PTPN21: variants seen among roughly 807,000 people sequenced by gnomAD.
The protein encoded by PTPN21 is protein tyrosine phosphatase non-receptor type 21.
In PTPN21, 77 loss-of-function variants were observed where a neutral mutation model predicts 131.8. The observed-to-expected ratio is 0.58, with a 90% CI of 0.49 to 0.71. PTPN21 has a LOEUF of 0.71. Ranked by LOEUF, PTPN21 falls within the 30% of genes least tolerant of loss-of-function variation. The pLI is 0.00. For synonymous variants in PTPN21, 715 were observed against 621.3 expected, an observed-to-expected ratio of 1.15 and a Z score of -2.24; for missense variants, 1,552 against 1,527.1, an observed-to-expected ratio of 1.02 and a Z score of -0.27.
intron 15 of PTPN21, among the ~76,000 whole-genome samples, chr14:88,471,111 A>C (rs983300327): frequency 3.3e-5 from 5 of 152,192 alleles, no homozygotes. Flanking sequence ...ATATTTAAAA[A>C]CAAAATAGTA....
intron 8 of PTPN21, among the ~76,000 whole-genome samples, chr14:88,498,607 AG>A (rs2077961229): frequency 1.3e-5 from 2 of 152,186 alleles, no homozygotes; most frequent in South Asian, 2.1e-4. Flanking sequence ...GCACAGTTGG[AG>A]GGGAAAGGTG....
intron 1 of PTPN21, among the ~76,000 whole-genome samples, chr14:88,553,491 C>T (rs2078891282): frequency 6.6e-6 from 1 of 151,866 alleles, no homozygotes; most frequent in Non-Finnish European, 1.5e-5. Context: ...TTTAAGAGTT[C>T]TTTGGGGAGG....
At chr14:88,498,818 T>G (rs1321643414) in intron 8 of PTPN21, among the ~76,000 whole-genome samples, 1 of 152,198 alleles carries the variant, frequency 6.6e-6, no homozygotes, top group Non-Finnish European at 1.5e-5. Flanking sequence ...GTATTAGCTT[T>G]TATATGTTAA....
At chr14:88,514,382 G>A (rs2078230312) in intron 3 of PTPN21, among the ~76,000 whole-genome samples, 1 of 151,286 alleles carries the variant, frequency 6.6e-6, no homozygotes, top group African/African-American at 2.4e-5. Flanking sequence ...GTTTTCTGCT[G>A]CTTTATGGTC....
chr14:88,471,999 GGA>G (rs2077478250), intron 15 of PTPN21, among the ~76,000 whole-genome samples: 1 of 152,102 alleles, frequency 6.6e-6, no homozygotes, highest in South Asian at 2.1e-4. Flanking sequence ...TTTCGCACAT[GGA>G]GAGTAGACAT....
At position 88,501,117 on chromosome 14, in the gene PTPN21, G is replaced by T. The variant is rs952064273; in HGVS notation, c.675+164C>A. ...AAAGTATGAACCACAAAATGGGAATGTGTTTTACCACAAAACTTTGGTCAC... is the reference window on the plus strand; with the variant it reads ...AAAGTATGAACCACAAAATGGGAATTTGTTTTACCACAAAACTTTGGTCAC... On this transcript the variant is annotated intron_variant, in intron 7 of 18. Coordinates refer to ENST00000556564, the MANE Select transcript of PTPN21 (RefSeq NM_007039.4). 14 of 715,284 alleles carry T rather than the reference G, an allele frequency of 2.0e-5. No individual in the cohort carries two copies. In the South Asian group the frequency reaches 2.5e-4, roughly 13 times the overall value. 44.3% of individuals were successfully genotyped at this position (715,284 alleles called of 1,614,324 possible).
In PTPN21 at chr14:88,497,190, A is replaced by G. The variant is rs769287559; in HGVS notation, c.852+13T>C. The G allele has an allele frequency of 6.3e-7, 1 of 1,575,110 alleles. No individual in the cohort carries two copies. Among genetic ancestry groups the G allele is most frequent in the South Asian group, 1.1e-5 (1 of 90,184 alleles). ...GGAAAAACATTCCATGCAGACCCCT[A>G]ATGTTTACTCACAGTTTGAAATTGA... On this transcript the variant is annotated intron_variant, in intron 9 of 18. Coordinates refer to ENST00000556564, the MANE Select transcript of PTPN21 (RefSeq NM_007039.4).
intron 2 of PTPN21, among the ~76,000 whole-genome samples, chr14:88,526,836 CCATTA>C (rs2139332542): frequency 6.6e-6 from 1 of 152,212 alleles, no homozygotes; most frequent in African/African-American, 2.4e-5. Flanking sequence ...ACCCCAAAGT[CCATTA>C]CATCATTCTC....
intron 3 of PTPN21, among the ~76,000 whole-genome samples, chr14:88,511,126 G>A (rs1311307590): frequency 1.3e-5 from 2 of 151,670 alleles, no homozygotes; most frequent in East Asian, 1.9e-4. Context: ...ATGTTGCCTG[G>A]GCTGGTCTCA....
rs2078905378 is a variant in PTPN21, at chr14:88,554,948, A to G, written c.-500T>C. On this transcript the variant is annotated 5_prime_UTR_variant, in exon 1 of 19. Transcript: ENST00000556564. ...GGCGGGGGGTGGCAGGAGGACGGACAGACCGTCGGACCGACGCGGGACGCG... is the reference window on the plus strand; with the variant it reads ...GGCGGGGGGTGGCAGGAGGACGGACGGACCGTCGGACCGACGCGGGACGCG... Among the ~76,000 whole-genome samples, 1 of 151,564 alleles carries G rather than the reference A, an allele frequency of 6.6e-6. No homozygotes were observed. The highest frequency in any genetic ancestry group is 2.4e-5 in the African/African-American group (1 of 41,368).
At chr14:88,509,231 T>C (rs537140934) in intron 3 of PTPN21, among the ~76,000 whole-genome samples, 1 of 152,298 alleles carries the variant, frequency 6.6e-6, no homozygotes, top group South Asian at 2.1e-4. Context: ...ATGTTAAGCA[T>C]TATTCTAGAT....
chr14:88,534,587 T>A (rs563077079), intron 2 of PTPN21, among the ~76,000 whole-genome samples: 5 of 152,194 alleles, frequency 3.3e-5, no homozygotes, highest in African/African-American at 1.2e-4. Flanking sequence ...TAATTTATTA[T>A]CGAAGGCCAG....
At chr14:88,534,536 T>C (rs1309500016) in intron 2 of PTPN21, among the ~76,000 whole-genome samples, 1 of 152,174 alleles carries the variant, frequency 6.6e-6, no homozygotes, top group African/African-American at 2.4e-5. Flanking sequence ...TTTTAAAAAT[T>C]TAAAAGTTTG....
Position 88,466,555 on chromosome 14 carries a change from T to TAAG in PTPN21, c.*1579_*1581dup, listed in dbSNP as rs1405056280. 4.6e-5 allele frequency: 7 copies of TAAG among 152,280 alleles called. No individual in the cohort carries two copies. The highest frequency in any genetic ancestry group is 1.7e-4 in the African/African-American group (7 of 41,564). 9.4% of individuals were successfully genotyped at this position (152,280 alleles called of 1,614,324 possible). ...GATTTGACATTTTGGAAGTTCACTG[T>TAAG]AAGAAGAGACCCCAAAAAGAAGGAA... On this transcript the variant is annotated 3_prime_UTR_variant, in exon 19 of 19. Transcript: ENST00000556564.
intron 2 of PTPN21, among the ~76,000 whole-genome samples, chr14:88,538,841 T>C (rs1168558554): frequency 6.6e-6 from 1 of 152,228 alleles, no homozygotes; most frequent in Admixed American, 6.5e-5. Context: ...AAAATGGAGA[T>C]GAGCATAACA....
At chr14:88,533,529 A>G (rs2078582554) in intron 2 of PTPN21, among the ~76,000 whole-genome samples, 2 of 152,172 alleles carry the variant, frequency 1.3e-5, no homozygotes, top group South Asian at 2.1e-4. Flanking sequence ...ATAAATGACT[A>G]TGTTACTGAT....
At chr14:88,478,663 C>T (rs763447082) in intron 13 of PTPN21, among the ~76,000 whole-genome samples, 8 of 152,212 alleles carry the variant, frequency 5.3e-5, no homozygotes, top group African/African-American at 9.6e-5. Context: ...TTTTCCATTT[C>T]GACAAAACCC....
At chr14:88,484,584 T>C (rs936188683) in intron 12 of PTPN21, among the ~76,000 whole-genome samples, 8 of 152,268 alleles carry the variant, frequency 5.3e-5, no homozygotes, top group East Asian at 1.9e-4. Flanking sequence ...TAGTTTCCCA[T>C]TGGCCAAATT....
chr14:88,534,834 G>A (rs555094008), intron 2 of PTPN21, among the ~76,000 whole-genome samples: 50 of 152,198 alleles, frequency 3.3e-4, no homozygotes, highest in African/African-American at 1.2e-3. Context: ...CCATGATTGC[G>A]TCACTGCACT....
Sources: gnomAD v4.1 joint callset for allele counts (sites outside exome capture counted in the v4.1 genomes callset) on GRCh38, gnomAD v4.1.1 for gene constraint, MANE v1.5 for transcripts, NCBI Gene and HGNC (gene_info 2026-07-23, HGNC 2026-07-21) for gene names.